The following NLN variants were observed in gnomAD, a reference collection of about 807,000 sequenced individuals.
NLN encodes the protein neurolysin, mitochondrial.
Under a neutral mutation model 79.9 loss-of-function variants are expected in NLN, and 64 were observed. The ratio of observed to expected loss-of-function variants is 0.80; its 90% confidence interval spans 0.65 to 0.99. NLN has a LOEUF of 0.99. Ranked by LOEUF, NLN falls within the 50% of genes least tolerant of loss-of-function variation. The pLI is 0.00. For synonymous variants in NLN, 267 were observed against 296.6 expected (o/e 0.90, Z 1.02); for missense variants, 835 against 858.7 (o/e 0.97, Z 0.34).
At chr5:65,772,047 A>G (rs1759580815) in intron 3 of NLN, among the ~76,000 whole-genome samples, 1 of 151,698 alleles carries the variant, frequency 6.6e-6, no homozygotes, top group Non-Finnish European at 1.5e-5. Context: ...GAAATATGTA[A>G]GTGTAGTCAT....
chr5:65,758,780 C>G lies in NLN; in HGVS notation c.255C>G (p.Tyr85Ter). Residue 85 changes from tyrosine to a stop codon, truncating the protein, a stop_gained, in exon 2 of 13, where the codon TAC becomes TAG. Transcript: ENST00000380985. LOFTEE classifies it high-confidence loss of function. ...TGCTCGGTATTGAGGAAGTAACTTA[C>G]GAGAACTGTCTGCAGGCACTGGCAG... ...VGMLGIEEVTYENCLQALADV... is the reference protein window; with the variant it reads ...VGMLGIEEVT 1 of 1,613,638 alleles carries G rather than the reference C, an allele frequency of 6.2e-7. No homozygotes were observed. The highest frequency in any genetic ancestry group is 2.2e-5 in the East Asian group (1 of 44,882).
intron 12 of NLN, among the ~76,000 whole-genome samples, chr5:65,813,365 C>G (rs116548739): frequency 0.013 from 1,953 of 151,874 alleles, 39 homozygotes; most frequent in African/African-American, 0.043. Context: ...CTATTGTTCT[C>G]ACAGACATAC....
chr5:65,806,855 A>G (rs951444375), intron 9 of NLN, among the ~76,000 whole-genome samples: 2 of 152,178 alleles, frequency 1.3e-5, no homozygotes, highest in African/African-American at 2.4e-5. Context: ...CAGTCCATTG[A>G]TATGGCAAAC....
chr5:65,746,286 T>A (rs1409605982), intron 1 of NLN, among the ~76,000 whole-genome samples: 2 of 151,880 alleles, frequency 1.3e-5, no homozygotes, highest in Non-Finnish European at 2.9e-5. Flanking sequence ...AGACATCAAA[T>A]GAAAAGAGGA....
chr5:65,797,800 A>G (rs1760202477), intron 9 of NLN, among the ~76,000 whole-genome samples: 1 of 152,238 alleles, frequency 6.6e-6, no homozygotes. Flanking sequence ...CTGCCCTGAG[A>G]CAATTTACTG....
At chr5:65,726,007 G>T (rs1758459323) in intron 1 of NLN, among the ~76,000 whole-genome samples, 1 of 152,042 alleles carries the variant, frequency 6.6e-6, no homozygotes, top group African/African-American at 2.4e-5. Flanking sequence ...AACTACTCGG[G>T]AGGCTGAGGC....
intron 8 of NLN, among the ~76,000 whole-genome samples, chr5:65,789,662 G>A (rs1222794630): frequency 2.6e-5 from 4 of 152,146 alleles, no homozygotes; most frequent in African/African-American, 9.7e-5. Flanking sequence ...CTACTTGGGA[G>A]GCCAAGGTAT....
chr5:65,782,577 A>C (rs1375577929), intron 6 of NLN, among the ~76,000 whole-genome samples: 1 of 152,228 alleles, frequency 6.6e-6, no homozygotes, highest in Non-Finnish European at 1.5e-5. Flanking sequence ...TTGTGGAGGA[A>C]GGCAGCATTC....
chr5:65,821,660 C>G (rs1381106371), intron 12 of NLN, among the ~76,000 whole-genome samples: 1 of 152,122 alleles, frequency 6.6e-6, no homozygotes, highest in Admixed American at 6.5e-5. Context: ...GAGAAGGTAA[C>G]TTTGACTAGT....
intron 12 of NLN, among the ~76,000 whole-genome samples, chr5:65,818,331 T>C (rs79749035): frequency 0.04 from 6,030 of 152,340 alleles, 137 homozygotes; most frequent in South Asian, 0.07. Flanking sequence ...ATTAATGTTT[T>C]ACATATTTGT....
At chr5:65,806,019 G>C (rs1156409437) in intron 9 of NLN, among the ~76,000 whole-genome samples, 1 of 152,120 alleles carries the variant, frequency 6.6e-6, no homozygotes. Flanking sequence ...AAGCCTGGAT[G>C]ACAACACATC....
intron 12 of NLN, chr5:65,818,688 G>C (rs190309732): frequency 5.2e-5 from 8 of 152,386 alleles, no homozygotes; most frequent in African/African-American, 1.7e-4. Context: ...ACTATGGAAG[G>C]AGAGGTTTCA....
chr5:65,722,371 C>G lies in NLN; in HGVS notation c.-3C>G. On this transcript the variant is annotated 5_prime_UTR_variant, in exon 1 of 13. Coordinates refer to ENST00000380985, the MANE Select transcript of NLN (RefSeq NM_020726.5). ...CCGCCGCCGCCAGCCTCTCAGCGCT[C>G]CCATGATCGCCCGGTGCCTTTTGGC... 2 of 1,581,414 alleles carry G rather than the reference C, an allele frequency of 1.3e-6. No individual in the cohort carries two copies. The highest frequency in any genetic ancestry group is 1.7e-6 in the Non-Finnish European group (2 of 1,166,200).
chr5:65,792,394 C>A, intron 8 of NLN, 60 bp from the exon 9 acceptor site: 1 of 1,005,332 alleles, frequency 9.9e-7, no homozygotes, highest in Non-Finnish European at 1.6e-6. Flanking sequence ...AGAGGCCATG[C>A]CAGTGTAGTT....
chr5:65,757,234 T>C (rs1156350947), intron 1 of NLN, among the ~76,000 whole-genome samples: 1 of 152,168 alleles, frequency 6.6e-6, no homozygotes, highest in East Asian at 1.9e-4. Flanking sequence ...ATTGCTTTAT[T>C]AGAAGAGAAT....
At chr5:65,784,132 T>G (rs1759863796) in intron 6 of NLN, among the ~76,000 whole-genome samples, 4 of 152,218 alleles carry the variant, frequency 2.6e-5, no homozygotes. Flanking sequence ...ATGCAGGTAG[T>G]GTGACCTCAG....
chr5:65,756,379 A>T (rs1759219345), intron 1 of NLN, among the ~76,000 whole-genome samples: 1 of 152,056 alleles, frequency 6.6e-6, no homozygotes, highest in Admixed American at 6.6e-5. Flanking sequence ...CACCGCCTCC[A>T]TCCATTCAGT....
At chr5:65,812,650 G>A (rs969102349) in intron 12 of NLN, among the ~76,000 whole-genome samples, 1 of 152,086 alleles carries the variant, frequency 6.6e-6, no homozygotes, top group Non-Finnish European at 1.5e-5. Flanking sequence ...AAAATTCAAA[G>A]CTTTGTTTAT....
chr5:65,769,440 A>ACTTG (rs1759521598), intron 3 of NLN, among the ~76,000 whole-genome samples: 1 of 152,220 alleles, frequency 6.6e-6, no homozygotes, highest in Admixed American at 6.5e-5. Context: ...TGCTTGAGGG[A>ACTTG]AGGGATACCC....
Sources: allele counts gnomAD v4.1 joint callset (sites outside exome capture counted in the v4.1 genomes callset), GRCh38; gene constraint gnomAD v4.1.1; transcripts MANE v1.5; gene names NCBI Gene and HGNC (gene_info 2026-07-23, HGNC 2026-07-21).